FHIT: variants seen among roughly 807,000 people sequenced by gnomAD.
FHIT encodes the protein fragile histidine triad diadenosine triphosphatase, also known as bis(5'-adenosyl)-triphosphatase.
FHIT carries 19 observed loss-of-function variants against 17.9 expected under a neutral mutation model. That is an observed-to-expected ratio of 1.06 (90% confidence interval 0.74 to 1.56). FHIT has a LOEUF of 1.56. Ranked by LOEUF, FHIT falls within the 40% of genes most tolerant of loss-of-function variation. The probability of loss-of-function intolerance (pLI) is 0.00; values close to 1 mark genes in which losing one functional copy is unlikely to be tolerated. For synonymous variants in FHIT, 81 were observed against 69.7 expected (o/e 1.16, Z -0.81); for missense variants, 248 against 189.2 (o/e 1.31, Z -1.82).
chr3:61,098,843 C>T (rs999348254), intron 2 of FHIT, among the ~76,000 whole-genome samples: 2 of 152,180 alleles, frequency 1.3e-5, no homozygotes, highest in Non-Finnish European at 2.9e-5. Context: ...GCTTAAGAAG[C>T]TTTTAGGCTG....
At position 60,660,729 on chromosome 3, in the gene FHIT, C is replaced by CT; in HGVS notation, c.-17-123751dup. ...GATGTGGAATATCTTTTATTGTGCT[C>CT]TTTTTTTTTTTTTTTTTTTTTGCCA... On this transcript the variant is annotated intron_variant, in intron 4 of 9. Transcript: ENST00000492590. Among the ~76,000 whole-genome samples, 237 of 37,272 alleles carry CT rather than the reference C, an allele frequency of 6.4e-3. 23 individuals carry two copies. The highest frequency in any genetic ancestry group is 0.026 in the Middle Eastern group (1 of 38). 24.5% of individuals were successfully genotyped at this position (37,272 alleles called of 152,430 possible).
chr3:60,817,587 T>C (rs1490966370), intron 4 of FHIT, among the ~76,000 whole-genome samples: 1 of 152,044 alleles, frequency 6.6e-6, no homozygotes, highest in African/African-American at 2.4e-5. Context: ...CTTTATAAAT[T>C]CTGATGAGAC....
intron 4 of FHIT, among the ~76,000 whole-genome samples, chr3:60,623,283 C>T (rs2039186031): frequency 6.6e-6 from 1 of 152,182 alleles, no homozygotes; most frequent in African/African-American, 2.4e-5. Context: ...GATCTTGCAG[C>T]TCAAGAAAGA....
chr3:60,095,334 A>G (rs557080452), intron 5 of FHIT, among the ~76,000 whole-genome samples: 34 of 152,324 alleles, frequency 2.2e-4, no homozygotes, highest in African/African-American at 7.7e-4. Flanking sequence ...GTTCCCACAC[A>G]TTGGAAGGTT....
intron 3 of FHIT, among the ~76,000 whole-genome samples, chr3:60,837,208 G>C (rs1702569489): frequency 6.6e-6 from 1 of 152,126 alleles, no homozygotes; most frequent in African/African-American, 2.4e-5. Flanking sequence ...TGGTGAAAAA[G>C]GGAGGGACGT....
At chr3:60,494,139 A>G (rs1553633887) in intron 5 of FHIT, among the ~76,000 whole-genome samples, 1 of 152,186 alleles carries the variant, frequency 6.6e-6, no homozygotes, top group Non-Finnish European at 1.5e-5. Flanking sequence ...TGCAACTTTC[A>G]CCATATCTGT....
intron 3 of FHIT, among the ~76,000 whole-genome samples, chr3:60,911,045 C>A (rs1706715299): frequency 6.6e-6 from 1 of 152,036 alleles, no homozygotes; most frequent in Non-Finnish European, 1.5e-5. Context: ...AAATGAGAAC[C>A]AATGCTGTTT....
At chr3:61,202,988 G>C (rs543841893) in intron 1 of FHIT, among the ~76,000 whole-genome samples, 10 of 152,098 alleles carry the variant, frequency 6.6e-5, no homozygotes, top group Non-Finnish European at 8.8e-5. Flanking sequence ...AGACCATCCT[G>C]GCTAATATGG....
At chr3:60,565,460 C>A (rs1228919163) in intron 4 of FHIT, among the ~76,000 whole-genome samples, 1 of 152,134 alleles carries the variant, frequency 6.6e-6, no homozygotes, top group Non-Finnish European at 1.5e-5. Context: ...CACCTAGTTC[C>A]CACTTCTATT....
chr3:60,927,005 C>G (rs1707656908), intron 3 of FHIT, among the ~76,000 whole-genome samples: 2 of 152,166 alleles, frequency 1.3e-5, no homozygotes, highest in South Asian at 2.1e-4. Context: ...CACGGTGCCC[C>G]CCTCCCTCGT....
chr3:60,264,651 GCC>G (rs1706478087), intron 5 of FHIT, among the ~76,000 whole-genome samples: 2 of 151,910 alleles, frequency 1.3e-5, no homozygotes, highest in African/African-American at 4.8e-5. Context: ...TCCTTCGAAA[GCC>G]TCTGCTAGGA....
At chr3:61,210,670 G>T (rs1381979403) in intron 1 of FHIT, among the ~76,000 whole-genome samples, 2 of 152,164 alleles carry the variant, frequency 1.3e-5, no homozygotes, top group Non-Finnish European at 2.9e-5. Context: ...CAGTATTACG[G>T]TGGGAGTGAC....
intron 2 of FHIT, among the ~76,000 whole-genome samples, chr3:61,151,021 T>C (rs1007593216): frequency 6.6e-6 from 1 of 152,236 alleles, no homozygotes; most frequent in African/African-American, 2.4e-5. Context: ...TGATGAGAAA[T>C]CTACACTGTG....
intron 5 of FHIT, among the ~76,000 whole-genome samples, chr3:60,341,764 G>A (rs1423701522): frequency 6.6e-6 from 1 of 151,546 alleles, no homozygotes; most frequent in Admixed American, 6.6e-5. Context: ...TTTTCTTTTT[G>A]TGTCTTCATG....
At chr3:60,867,135 AG>A (rs1704201067) in intron 3 of FHIT, among the ~76,000 whole-genome samples, 1 of 152,198 alleles carries the variant, frequency 6.6e-6, no homozygotes, top group South Asian at 2.1e-4. Flanking sequence ...CCCATAAGGA[AG>A]CTGCTATGTA....
intron 5 of FHIT, among the ~76,000 whole-genome samples, chr3:60,171,360 T>C (rs1437761676): frequency 6.6e-6 from 1 of 152,152 alleles, no homozygotes; most frequent in Non-Finnish European, 1.5e-5. Context: ...TATGTGTACT[T>C]GGAGCCTTTG....
intron 2 of FHIT, among the ~76,000 whole-genome samples, chr3:61,049,016 C>A (rs917843564): frequency 6.6e-6 from 1 of 151,936 alleles, no homozygotes; most frequent in South Asian, 2.1e-4. Flanking sequence ...AGGAGATATA[C>A]CTAATGCTAA....
chr3:60,669,150 A>T (rs781896532), intron 4 of FHIT, among the ~76,000 whole-genome samples: 2 of 152,214 alleles, frequency 1.3e-5, no homozygotes, highest in African/African-American at 2.4e-5. Context: ...CCTTAAAGGT[A>T]CTTATACATG....
At chr3:60,292,075 A>C (rs1205040497) in intron 5 of FHIT, among the ~76,000 whole-genome samples, 2 of 152,176 alleles carry the variant, frequency 1.3e-5, no homozygotes, top group South Asian at 2.1e-4. Flanking sequence ...ACTAATATTC[A>C]ACTAGACGTG....
Sources: allele counts gnomAD v4.1 joint callset (sites outside exome capture counted in the v4.1 genomes callset), GRCh38; gene constraint gnomAD v4.1.1; transcripts MANE v1.5; gene names NCBI Gene and HGNC (gene_info 2026-07-23, HGNC 2026-07-21).